The following ARB2A variants were observed in gnomAD, a reference collection of about 807,000 sequenced individuals.
ARB2A encodes the protein cotranscriptional regulator ARB2A.
At chr5:93,778,626 A>G in the ARB2A span, among the ~76,000 whole-genome samples, 1 of 152,112 alleles carries the variant, frequency 6.6e-6, no homozygotes, top group Non-Finnish European at 1.5e-5. Flanking sequence ...GCGATTAGGT[A>G]CTGTATGTAT....
the ARB2A span, among the ~76,000 whole-genome samples, chr5:93,698,030 C>G: frequency 6.6e-6 from 1 of 152,038 alleles, no homozygotes; most frequent in South Asian, 2.1e-4. Flanking sequence ...CCAGAATAAC[C>G]GTTGGAAGAA....
At chr5:93,858,693 G>C in the ARB2A span, among the ~76,000 whole-genome samples, 1 of 152,234 alleles carries the variant, frequency 6.6e-6, no homozygotes, top group South Asian at 2.1e-4. Context: ...TGAAGTGACA[G>C]CATAAAAAGA....
chr5:93,858,299 G>A, the ARB2A span, among the ~76,000 whole-genome samples: 1 of 152,188 alleles, frequency 6.6e-6, no homozygotes, highest in Non-Finnish European at 1.5e-5. Context: ...CAGAAGGAAA[G>A]CAAGTGTTCA....
At chr5:93,748,506 T>A in the ARB2A span, among the ~76,000 whole-genome samples, 2 of 152,086 alleles carry the variant, frequency 1.3e-5, no homozygotes, top group African/African-American at 4.8e-5. Context: ...ACAAAGTTTT[T>A]AAATTCTCAA....
chr5:93,714,755 C>T, the ARB2A span, among the ~76,000 whole-genome samples: 2 of 152,132 alleles, frequency 1.3e-5, no homozygotes, highest in Non-Finnish European at 2.9e-5. Flanking sequence ...CACATAGTCT[C>T]CTGGTCACCT....
the ARB2A span, among the ~76,000 whole-genome samples, chr5:93,689,102 T>A: frequency 1.3e-5 from 2 of 152,230 alleles, no homozygotes; most frequent in Non-Finnish European, 2.9e-5. Context: ...TATTTCTTTT[T>A]ATTGTCCTAC....
chr5:93,926,623 C>G, the ARB2A span, among the ~76,000 whole-genome samples: 2 of 151,902 alleles, frequency 1.3e-5, no homozygotes, highest in Non-Finnish European at 2.9e-5. Context: ...TAGTTCCACT[C>G]CAGATGAGCT....
the ARB2A span, among the ~76,000 whole-genome samples, chr5:94,068,604 T>C: frequency 6.6e-6 from 1 of 152,158 alleles, no homozygotes; most frequent in Non-Finnish European, 1.5e-5. Flanking sequence ...AGGCAATATA[T>C]GATTTGACTA....
chr5:93,644,271 GA>G, the ARB2A span, among the ~76,000 whole-genome samples: 1 of 152,206 alleles, frequency 6.6e-6, no homozygotes, highest in South Asian at 2.1e-4. Context: ...ACTTCTTTCT[GA>G]AAGTAATGAG....
At chr5:93,705,988 T>C in the ARB2A span, among the ~76,000 whole-genome samples, 1 of 152,148 alleles carries the variant, frequency 6.6e-6, no homozygotes, top group African/African-American at 2.4e-5. Flanking sequence ...GATTGATAAT[T>C]CCTCAAGAAG....
chr5:93,852,070 A>G, the ARB2A span, among the ~76,000 whole-genome samples: 1 of 152,196 alleles, frequency 6.6e-6, no homozygotes, highest in African/African-American at 2.4e-5. Context: ...AGTCCCAACA[A>G]CAGTGTAAAA....
chr5:93,862,898 A>C, the ARB2A span: 1 of 152,296 alleles, frequency 6.6e-6, no homozygotes, highest in South Asian at 2.1e-4. Flanking sequence ...AACCATTATA[A>C]ATTAAATGGG....
chr5:93,929,560 A>C, the ARB2A span, among the ~76,000 whole-genome samples: 1 of 152,184 alleles, frequency 6.6e-6, no homozygotes, highest in African/African-American at 2.4e-5. Flanking sequence ...ACATTGCTAA[A>C]AGAAATTTAC....
the ARB2A span, among the ~76,000 whole-genome samples, chr5:93,912,917 A>G: frequency 6.6e-5 from 10 of 151,822 alleles, no homozygotes; most frequent in Non-Finnish European, 1.2e-4. Flanking sequence ...TTTTAAAAAA[A>G]AATTTAGCAT....
the ARB2A span, among the ~76,000 whole-genome samples, chr5:93,701,628 C>T: frequency 1.3e-5 from 2 of 151,664 alleles, no homozygotes; most frequent in African/African-American, 4.8e-5. Context: ...CCATGGAAAT[C>T]AATATAGGTG....
chr5:93,822,062 C>T, the ARB2A span, among the ~76,000 whole-genome samples: 1 of 152,282 alleles, frequency 6.6e-6, no homozygotes, highest in East Asian at 1.9e-4. Flanking sequence ...ATGCATGTGC[C>T]TCCTGCAGAG....
At chr5:94,027,992 T>C in the ARB2A span, among the ~76,000 whole-genome samples, 4 of 152,206 alleles carry the variant, frequency 2.6e-5, no homozygotes, top group Non-Finnish European at 5.9e-5. Flanking sequence ...AACTGATTGC[T>C]TGCTTGGTGT....
At chr5:94,019,664 T>G in the ARB2A span, among the ~76,000 whole-genome samples, 2 of 152,206 alleles carry the variant, frequency 1.3e-5, no homozygotes, top group East Asian at 3.9e-4. Flanking sequence ...GAAACAGGAA[T>G]GCTTTTACAC....
chr5:93,962,265 A>G, the ARB2A span, among the ~76,000 whole-genome samples: 1 of 152,198 alleles, frequency 6.6e-6, no homozygotes, highest in Non-Finnish European at 1.5e-5. Context: ...ACTCGTGAAC[A>G]CCATTAATTG....
Sources: allele counts gnomAD v4.1 joint callset (sites outside exome capture counted in the v4.1 genomes callset), GRCh38; gene constraint gnomAD v4.1.1; transcripts MANE v1.5; gene names NCBI Gene and HGNC (gene_info 2026-07-23, HGNC 2026-07-21).